NCOA5: variants seen among roughly 807,000 people sequenced by gnomAD.
The protein encoded by NCOA5 is NCoA-5.
In NCOA5, 12 loss-of-function variants were observed where a neutral mutation model predicts 59.0. That is an observed-to-expected ratio of 0.20 (90% confidence interval 0.13 to 0.33). The LOEUF is 0.33. NCOA5 is among the 10% of genes least tolerant of loss of function. The pLI is 1.00. For missense variants in NCOA5, 655 were observed against 766.6 expected, an observed-to-expected ratio of 0.85 and a Z score of 1.72; for synonymous variants, 270 against 275.5, an observed-to-expected ratio of 0.98 and a Z score of 0.20.
rs2084848128 is a variant in NCOA5 at position 46,068,551 on chromosome 20, G to A, written c.453C>T (p.Ser151=). 6.2e-7 allele frequency: 1 copy of A among 1,613,684 alleles called. No homozygotes were observed. Among genetic ancestry groups the A allele is most frequent in the Non-Finnish European group, 8.5e-7 (1 of 1,179,792 alleles). The stretch of plus-strand genomic sequence containing the variant: ...GGCCTGGAGGGCCCCGTCCATCAAA[G>A]CTATCTCTGTAACGGTCAAAATAAG... ...DDSYFDRYRD[S]FDGRGPPGPE... Residue 151 remains serine (S), a synonymous_variant, in exon 4 of 8, where the codon AGC becomes AGT. Transcript: ENST00000290231.
chr20:46,070,513 C>T lies in NCOA5; in HGVS notation c.62G>A (p.Ser21Asn), dbSNP rs747883656. ...GGATCGATCACGCCTTGAATCTCGA[C>T]TGTCTCCAAAGCCATATGGATCCCT... ...TRRDPYGFGDSRDSRRDRSPI... is the reference protein window; with the variant it reads ...TRRDPYGFGDNRDSRRDRSPI... The change falls in exon 3 of 8, where the codon AGT (serine) becomes AAT (asparagine). Residue 21 changes from serine to asparagine, a missense_variant. This residue lies in a region of NCOA5 where 250 missense variants were observed against 260.1 expected (regional missense o/e 0.96). Transcript: ENST00000290231. 4 of 1,614,036 alleles carry T rather than the reference C, an allele frequency of 2.5e-6. No individual in the cohort carries two copies. Among genetic ancestry groups the T allele is most frequent in the Non-Finnish European group, 3.4e-6 (4 of 1,179,970 alleles).
chr20:46,062,297 GC>G lies in NCOA5; in HGVS notation c.*2del, dbSNP rs752620629. ...GGACTGGGGAGAGTTGAAAGATTTA[GC>G]TTCAGTAATGCCTCTGGTAAGATCC... On this transcript the variant is annotated 3_prime_UTR_variant, in exon 8 of 8. Coordinates refer to ENST00000290231, the MANE Select transcript of NCOA5 (RefSeq NM_020967.3). 2 of 1,608,256 alleles carry G rather than the reference GC, an allele frequency of 1.2e-6. No individual in the cohort carries two copies. Among genetic ancestry groups the G allele is most frequent in the South Asian group, 2.2e-5 (2 of 90,876 alleles).
At chr20:46,087,028 G>A (rs999163703) in intron 1 of NCOA5, among the ~76,000 whole-genome samples, 1 of 151,932 alleles carries the variant, frequency 6.6e-6, no homozygotes, top group Admixed American at 6.6e-5. Flanking sequence ...TGTGATCTGG[G>A]GCAAGAAATC....
chr20:46,077,062 C>T (rs1036626668), intron 2 of NCOA5, among the ~76,000 whole-genome samples: 22 of 152,140 alleles, frequency 1.4e-4, no homozygotes, highest in Admixed American at 2.6e-4. Flanking sequence ...GGAGTACAGG[C>T]AAGAGCCATG....
chr20:46,063,599 T>C lies in NCOA5; in HGVS notation c.911A>G (p.Lys304Arg), dbSNP rs2145520557. ...YERYKNECRE[K>R]EREEIARQAA... ...CTGTCTGGCAATCTCCTCACGTTCCTTCTCCCGGCACTCATTCTTGTAACG... is the reference window on the plus strand; with the variant it reads ...CTGTCTGGCAATCTCCTCACGTTCCCTCTCCCGGCACTCATTCTTGTAACG... Residue 304 changes from lysine to arginine, a missense_variant, in exon 7 of 8, where the codon AAG becomes AGG. By Grantham distance (26) the Lys-to-Arg change is conservative. Around this residue, in one of 3 missense-constraint regions of NCOA5, gnomAD observed 325 missense variants for 353.2 expected, o/e 0.92. Transcript: ENST00000290231. 6.2e-7 allele frequency: 1 copy of C among 1,614,174 alleles called. No homozygotes were observed. Among genetic ancestry groups the C allele is most frequent in the East Asian group, 2.2e-5 (1 of 44,862 alleles).
chr20:46,067,329 T>C lies in NCOA5; in HGVS notation c.503-148A>G, dbSNP rs549514781. The C allele has an allele frequency of 6.2e-6, 6 of 973,668 alleles. No homozygotes were observed. In the Admixed American group the frequency reaches 1.6e-4, roughly 27 times the overall value. 60.3% of individuals were successfully genotyped at this position (973,668 alleles called of 1,614,324 possible). On this transcript the variant is annotated intron_variant, in intron 4 of 7. Coordinates refer to ENST00000290231, the MANE Select transcript of NCOA5 (RefSeq NM_020967.3). ...CCAGTATTAATATTTTTTACTATTA[T>C]AAATTAACCAAAATGTAATGCTGGA...
intron 2 of NCOA5, among the ~76,000 whole-genome samples, chr20:46,071,185 G>C (rs1462778654): frequency 1.3e-5 from 2 of 148,684 alleles, no homozygotes; most frequent in African/African-American, 2.5e-5. Context: ...AAAACAACCT[G>C]AACAGTGAAG....
At chr20:46,080,030 A>T (rs1355902215) in intron 1 of NCOA5, among the ~76,000 whole-genome samples, 1 of 152,256 alleles carries the variant, frequency 6.6e-6, no homozygotes, top group Middle Eastern at 3.4e-3. Flanking sequence ...TATTATTATT[A>T]TTTTTAATAA....
intron 1 of NCOA5, among the ~76,000 whole-genome samples, chr20:46,087,713 G>A (rs1274834872): frequency 6.6e-6 from 1 of 152,206 alleles, no homozygotes; most frequent in African/African-American, 2.4e-5. Flanking sequence ...CTGCACTCCA[G>A]CCTGGGCAAC....
chr20:46,087,964 T>TAC (rs746021471), intron 1 of NCOA5, among the ~76,000 whole-genome samples: 19 of 151,710 alleles, frequency 1.3e-4, no homozygotes, highest in East Asian at 1.9e-4. Flanking sequence ...GAGAGATACA[T>TAC]ACACACACAC....
intron 1 of NCOA5, among the ~76,000 whole-genome samples, chr20:46,085,405 CAG>C (rs973143949): frequency 2.0e-5 from 3 of 150,970 alleles, no homozygotes; most frequent in African/African-American, 7.3e-5. Context: ...GGGATTATGG[CAG>C]AGATAATGGA....
Position 46,082,859 on chromosome 20 carries a change from G to A in NCOA5, c.-29-3406C>T, listed in dbSNP as rs183725138. ...GAACCATTATAAACTACAAAAGGAT[G>A]GGGTGAAGAACTCCCAAAATATACA... On this transcript the variant is annotated intron_variant, in intron 1 of 7. Coordinates refer to ENST00000290231, the MANE Select transcript of NCOA5 (RefSeq NM_020967.3). Among the ~76,000 whole-genome samples the A allele has an allele frequency of 2.9e-3, 444 of 152,176 alleles. 1 individual carries two copies. Among genetic ancestry groups the A allele is most frequent in the African/African-American group, 0.01 (433 of 41,510 alleles).
rs1224229791 is a variant in NCOA5 at position 46,087,870 on chromosome 20, TG to T, written c.-30+1946del. On this transcript the variant is annotated intron_variant, in intron 1 of 7. Transcript: ENST00000290231. The stretch of plus-strand genomic sequence containing the variant: ...GGCTTAAATCAAATTCTCAGAAATG[TG>T]AAGAAAATGACCTTAGCCTTACGTA... Among the ~76,000 whole-genome samples the T allele has an allele frequency of 2.0e-5, 3 of 152,160 alleles. No homozygotes were observed. In the South Asian group the frequency reaches 6.2e-4, roughly 32 times the overall value.
At chr20:46,084,060 G>A (rs2085021237) in intron 1 of NCOA5, among the ~76,000 whole-genome samples, 1 of 152,176 alleles carries the variant, frequency 6.6e-6, no homozygotes, top group Non-Finnish European at 1.5e-5. Flanking sequence ...GAACAGAAAT[G>A]GGGGAAACAA....
intron 4 of NCOA5, 143 bp downstream of exon 4, chr20:46,068,359 A>T: frequency 1.4e-6 from 1 of 738,814 alleles, no homozygotes; most frequent in Non-Finnish European, 2.0e-6. Context: ...ACCCACTAAT[A>T]AGCTACTTAT....
chr20:46,073,255 G>A (rs766394479), intron 2 of NCOA5, among the ~76,000 whole-genome samples: 3 of 152,072 alleles, frequency 2.0e-5, no homozygotes, highest in Admixed American at 6.5e-5. Context: ...TCAGCTACAC[G>A]GGCACAGCAA....
intron 2 of NCOA5, 94 bp from the exon 3 acceptor site, chr20:46,070,630 T>C: frequency 2.5e-6 from 3 of 1,220,818 alleles, no homozygotes; most frequent in Non-Finnish European, 3.5e-6. Flanking sequence ...CCTCCAAGCA[T>C]TCTTCTCTAA....
At chr20:46,066,778 T>C (rs954375231) in intron 5 of NCOA5, among the ~76,000 whole-genome samples, 1 of 152,204 alleles carries the variant, frequency 6.6e-6, no homozygotes, top group African/African-American at 2.4e-5. Flanking sequence ...AAACAGTGCT[T>C]AGAGACTAAC....
At chr20:46,079,506 C>G in intron 1 of NCOA5, 53 bp from the exon 2 acceptor site, 12 of 1,379,284 alleles carry the variant, frequency 8.7e-6, no homozygotes, top group Non-Finnish European at 1.2e-5. Context: ...AAAACAAGAT[C>G]ATCAGCACAT....
Sources: allele counts gnomAD v4.1 joint callset (sites outside exome capture counted in the v4.1 genomes callset), GRCh38; gene constraint gnomAD v4.1.1; regional missense constraint gnomAD v4.1.1; transcripts MANE v1.5; gene names NCBI Gene and HGNC (gene_info 2026-07-23, HGNC 2026-07-21).